CDC73: variants seen among roughly 807,000 people sequenced by gnomAD.
CDC73 encodes the protein parafibromin.
Under a neutral mutation model 83.7 loss-of-function variants are expected in CDC73, and 21 were observed. The ratio of observed to expected loss-of-function variants is 0.25; its 90% CI spans 0.18 to 0.36. The LOEUF (loss-of-function observed/expected upper bound fraction) is 0.36. Among genes scored for constraint, CDC73 ranks in the 10% least tolerant of loss-of-function variants. CDC73 has a pLI of 1.00. For missense variants in CDC73, 342 were observed against 653.3 expected (o/e 0.52, Z 5.19); for synonymous variants, 224 against 212.9 (o/e 1.05, Z -0.45).
intron 10 of CDC73, among the ~76,000 whole-genome samples, chr1:193,189,448 A>G (rs1676882567): frequency 6.6e-6 from 1 of 152,244 alleles, no homozygotes; most frequent in African/African-American, 2.4e-5. Context: ...TTCTTTTAAC[A>G]TCTGAATTCT....
intron 5 of CDC73, among the ~76,000 whole-genome samples, 162 bp from the exon 6 acceptor site, chr1:193,137,923 T>G (rs1027307925): frequency 6.6e-6 from 1 of 152,232 alleles, no homozygotes; most frequent in Admixed American, 6.5e-5. Flanking sequence ...TTTATTGTTA[T>G]TATCTTTACG....
intron 10 of CDC73, among the ~76,000 whole-genome samples, chr1:193,172,205 G>A (rs755621189): frequency 3.1e-4 from 46 of 149,382 alleles, no homozygotes; most frequent in Non-Finnish European, 5.9e-4. Context: ...GATTACAGGC[G>A]TGAGCCACTG....
chr1:193,122,381 C>T (rs2103111866), intron 1 of CDC73, 50 bp downstream of exon 1: 2 of 1,611,792 alleles, frequency 1.2e-6, no homozygotes. Context: ...GAGTTGGGCG[C>T]CCCCAGGCGA....
intron 16 of CDC73, 134 bp from the exon 17 acceptor site, chr1:193,250,542 C>T (rs992719657): frequency 6.1e-6 from 4 of 656,562 alleles, no homozygotes; most frequent in Non-Finnish European, 1.1e-5. Flanking sequence ...CTTTATATTT[C>T]CAGTTTTCTA....
chr1:193,158,026 CTT>C (rs1676237337), intron 10 of CDC73, among the ~76,000 whole-genome samples: 1 of 151,402 alleles, frequency 6.6e-6, no homozygotes, highest in Non-Finnish European at 1.5e-5. Context: ...ATTCTGTAAA[CTT>C]AATTAGATGT....
At chr1:193,130,767 A>T (rs954342231) in intron 3 of CDC73, among the ~76,000 whole-genome samples, 1 of 152,130 alleles carries the variant, frequency 6.6e-6, no homozygotes, top group Admixed American at 6.5e-5. Context: ...GTCAAAACTG[A>T]TTTAAGGATT....
At chr1:193,237,786 A>C (rs1172401641) in intron 15 of CDC73, among the ~76,000 whole-genome samples, 1 of 152,166 alleles carries the variant, frequency 6.6e-6, no homozygotes. Context: ...CCAGTCCCCT[A>C]GCTGCACGTC....
chr1:193,223,566 A>C (rs1677509702), intron 13 of CDC73, among the ~76,000 whole-genome samples: 1 of 152,030 alleles, frequency 6.6e-6, no homozygotes, highest in African/African-American at 2.4e-5. Context: ...CAGTGAGTTT[A>C]TTTCTAGTTT....
intron 6 of CDC73, among the ~76,000 whole-genome samples, chr1:193,140,578 G>A (rs530408631): frequency 6.6e-6 from 1 of 152,242 alleles, no homozygotes; most frequent in Non-Finnish European, 1.5e-5. Flanking sequence ...GGTAAAATAA[G>A]GGCTACTTGA....
At chr1:193,241,894 A>AG (rs2102066979) in intron 15 of CDC73, among the ~76,000 whole-genome samples, 1 of 152,308 alleles carries the variant, frequency 6.6e-6, no homozygotes, top group Admixed American at 6.5e-5. Flanking sequence ...GTGTGCTACC[A>AG]GCACTTGGGT....
rs765799941 is a variant in CDC73 at position 193,212,016 on chromosome 1, G to T, written c.1031-49G>T. 11 of 1,411,018 alleles carry T rather than the reference G, an allele frequency of 7.8e-6. No individual in the cohort carries two copies. In the Admixed American group the frequency reaches 1.3e-4, roughly 17 times the overall value. 87.4% of individuals were successfully genotyped at this position (1,411,018 alleles called of 1,614,324 possible). ...CCCTTATTTGTAAGTTTGAAAATAA[G>T]AATATGGTTTTTATGACACAGAGTT... On this transcript the variant is annotated intron_variant, in intron 11 of 16. Coordinates refer to ENST00000367435, the MANE Select transcript of CDC73 (RefSeq NM_024529.5).
chr1:193,130,178 A>C lies in CDC73; in HGVS notation c.242A>C (p.Glu81Ala), dbSNP rs1338047587. 6.3e-7 allele frequency: 1 copy of C among 1,578,030 alleles called. No homozygotes were observed. The highest frequency in any genetic ancestry group is 1.3e-5 in the African/African-American group (1 of 74,374). The change falls in exon 3 of 17, where the codon GAA becomes GCA. Residue 81 changes from glutamate to alanine, a missense_variant. Physicochemically the swap from Glu to Ala is moderately radical, Grantham distance 107. This residue lies in a region of CDC73 where 99 missense variants were observed against 174.5 expected (regional missense o/e 0.57). Transcript: ENST00000367435. ...CATTTAAAATTTTGGTTTTAGACTG[A>C]AAATATTCCTGTGGTTAGAAGACCT... ...HPVYVRRAAT[E>A]NIPVVRRPDR...
intron 2 of CDC73, among the ~76,000 whole-genome samples, chr1:193,126,832 C>G (rs1026169927): frequency 8.5e-5 from 13 of 152,160 alleles, no homozygotes; most frequent in Non-Finnish European, 1.5e-5. Flanking sequence ...ACTGGAGCTG[C>G]TTTTTGAGTT....
chr1:193,232,845 G>C, intron 13 of CDC73, 148 bp from the exon 14 acceptor site: 3 of 620,610 alleles, frequency 4.8e-6, no homozygotes, highest in Non-Finnish European at 8.4e-6. Context: ...GGAGGTTGCA[G>C]TGAGCCAAGA....
chr1:193,250,794 G>T lies in CDC73; in HGVS notation c.*82G>T. On this transcript the variant is annotated 3_prime_UTR_variant, in exon 17 of 17. Coordinates refer to ENST00000367435, the MANE Select transcript of CDC73 (RefSeq NM_024529.5). ...GAACTTAAAAATGAAGAAGGTCACA[G>T]ATTGATCTTTTATAAGACCTTATTT... 8.2e-7 allele frequency: 1 copy of T among 1,225,298 alleles called. No homozygotes were observed. Among genetic ancestry groups the T allele is most frequent in the Non-Finnish European group, 1.2e-6 (1 of 830,308 alleles). The allele number at this position is 1,225,298 out of a possible 1,614,324, so 75.9% of individuals were successfully genotyped here. A position where few individuals can be genotyped will look rare whatever the true frequency, so the allele number is the denominator to read the frequency against.
intron 13 of CDC73, among the ~76,000 whole-genome samples, chr1:193,232,627 G>T (rs1677680162): frequency 1.3e-5 from 2 of 152,130 alleles, no homozygotes; most frequent in Admixed American, 1.3e-4. Context: ...TTCAGACCGG[G>T]CGTGGTGGCT....
intron 13 of CDC73, among the ~76,000 whole-genome samples, chr1:193,217,882 C>G (rs558175433): frequency 3.1e-4 from 47 of 152,216 alleles, no homozygotes; most frequent in African/African-American, 1.1e-3. Flanking sequence ...TCCCAGTACT[C>G]CTGTATCAGT....
chr1:193,127,370 A>G (rs1366739655), intron 2 of CDC73, among the ~76,000 whole-genome samples: 1 of 151,788 alleles, frequency 6.6e-6, no homozygotes, highest in Non-Finnish European at 1.5e-5. Flanking sequence ...GTATTAAACC[A>G]TAAGGCTTCT....
At chr1:193,204,215 ATGT>A (rs1677141895) in intron 11 of CDC73, among the ~76,000 whole-genome samples, 1 of 143,678 alleles carries the variant, frequency 7.0e-6, no homozygotes, top group African/African-American at 2.6e-5. Flanking sequence ...GTGTATATAT[ATGT>A]ATATATATGT....
Sources: gnomAD v4.1 joint callset for allele counts (sites outside exome capture counted in the v4.1 genomes callset) on GRCh38, gnomAD v4.1.1 for gene constraint, gnomAD v4.1.1 regional missense constraint, MANE v1.5 for transcripts, NCBI Gene and HGNC (gene_info 2026-07-23, HGNC 2026-07-21) for gene names.